The following RBBP4 variants were observed in gnomAD, a reference collection of about 807,000 sequenced individuals.
RBBP4 encodes RB binding protein 4, chromatin remodeling factor.
In RBBP4, 3 loss-of-function variants were observed where a neutral mutation model predicts 57.2. The observed-to-expected ratio is 0.05, with a 90% CI of 0.02 to 0.14. The LOEUF (loss-of-function observed/expected upper bound fraction) is 0.14, where lower values mean the gene tolerates loss of function less well. Ranked by LOEUF, RBBP4 falls within the 10% of genes least tolerant of loss-of-function variation. The pLI, the probability that RBBP4 is intolerant of heterozygous loss-of-function variation, is 1.00. For synonymous variants in RBBP4, 151 were observed against 171.5 expected, an observed-to-expected ratio of 0.88 and a Z score of 0.93; for missense variants, 107 against 520.6, an observed-to-expected ratio of 0.21 and a Z score of 7.73.
intron 11 of RBBP4, 138 bp downstream of exon 11, chr1:32,673,039 T>G (rs780961156): frequency 4.1e-6 from 3 of 725,106 alleles, no homozygotes; most frequent in Non-Finnish European, 6.8e-6. Context: ...TGTCTATACA[T>G]TATCATTTTC....
chr1:32,684,866 T>G lies in RBBP4; in HGVS notation c.*5161T>G, dbSNP rs1478106057. 6.5e-6 allele frequency: 1 copy of G among 153,586 alleles called. No homozygotes were observed. The highest frequency in any genetic ancestry group is 1.9e-4 in the East Asian group (1 of 5,242). 9.5% of individuals were successfully genotyped at this position (153,586 alleles called of 1,614,324 possible). Reference sequence around the variant, plus strand: ...TACACAACTAGTGGAAGTCCATGTTTAGAAAATAAATGGCTTGTTTAAGGA... The same window carrying G: ...TACACAACTAGTGGAAGTCCATGTTGAGAAAATAAATGGCTTGTTTAAGGA... On this transcript the variant is annotated 3_prime_UTR_variant, in exon 12 of 12. Coordinates refer to ENST00000373493, the MANE Select transcript of RBBP4 (RefSeq NM_005610.3).
intron 8 of RBBP4, among the ~76,000 whole-genome samples, chr1:32,670,811 A>T (rs1233960541): frequency 6.6e-6 from 1 of 152,228 alleles, no homozygotes; most frequent in African/African-American, 2.4e-5. Context: ...AAGTGTTATG[A>T]ACCTGAGGGT....
intron 11 of RBBP4, among the ~76,000 whole-genome samples, chr1:32,674,311 G>A (rs1012781142): frequency 5.0e-4 from 19 of 38,064 alleles, no homozygotes; most frequent in African/African-American, 7.6e-4. Context: ...ACAGCTCACT[G>A]CAGCCTCCAA....
Position 32,682,112 on chromosome 1 carries a change from C to G in RBBP4, c.*2407C>G, listed in dbSNP as rs1365905651. On this transcript the variant is annotated 3_prime_UTR_variant, in exon 12 of 12. Transcript: ENST00000373493. The stretch of plus-strand genomic sequence containing the variant: ...TACAATGCCTGAAATTCTGTAGTTT[C>G]ATTTCTTTGGATTAGTCGTTGTCTT... 4.1e-6 allele frequency: 2 copies of G among 484,536 alleles called. No individual in the cohort carries two copies. Among genetic ancestry groups the G allele is most frequent in the Non-Finnish European group, 7.4e-6 (2 of 270,292 alleles). 30.0% of individuals were successfully genotyped at this position (484,536 alleles called of 1,614,324 possible).
intron 8 of RBBP4, 113 bp from the exon 9 acceptor site, chr1:32,672,337 G>T: frequency 1.2e-6 from 1 of 836,028 alleles, no homozygotes; most frequent in South Asian, 1.9e-5. Flanking sequence ...ATAATACCTT[G>T]ACTTCCTCTT....
In RBBP4 at chr1:32,680,149, T is replaced by A; in HGVS notation, c.*444T>A. 1 of 1,077,552 alleles carries A rather than the reference T, an allele frequency of 9.3e-7. No individual in the cohort carries two copies. The highest frequency in any genetic ancestry group is 1.1e-6 in the Non-Finnish European group (1 of 891,834). The allele number at this position is 1,077,552 out of a possible 1,614,324, so 66.7% of individuals were successfully genotyped here. A position where few individuals can be genotyped will look rare whatever the true frequency, so the allele number is the denominator to read the frequency against. ...AGGGGGAGATTCAAGTCATATAGATTCCTACTCGAAAATCTTGACACCTGA... is the reference window on the plus strand; with the variant it reads ...AGGGGGAGATTCAAGTCATATAGATACCTACTCGAAAATCTTGACACCTGA... On this transcript the variant is annotated 3_prime_UTR_variant, in exon 12 of 12. Transcript: ENST00000373493.
chr1:32,667,363 A>G (rs962546419), intron 3 of RBBP4, among the ~76,000 whole-genome samples: 2 of 152,214 alleles, frequency 1.3e-5, no homozygotes, highest in African/African-American at 4.8e-5. Flanking sequence ...TCTCTGCTTC[A>G]GCTGCCTGAA....
chr1:32,673,032 C>G, intron 11 of RBBP4, 131 bp downstream of exon 11: 1 of 745,354 alleles, frequency 1.3e-6, no homozygotes, highest in South Asian at 1.8e-5. Flanking sequence ...TAAGACTTGT[C>G]TATACATTAT....
chr1:32,673,489 G>GTGC (rs962589749), intron 11 of RBBP4: 2 of 423,322 alleles, frequency 4.7e-6, no homozygotes, highest in African/African-American at 4.3e-5. Flanking sequence ...CCAGGCTGGA[G>GTGC]TGCAATGGTG....
chr1:32,651,257 C>T lies in RBBP4; in HGVS notation c.-50C>T, dbSNP rs2148508982. ...AGAGCGAGCTCTTGCAGCCTCCCCG[C>T]CCCTCCCGCAACGCTCGACCCCAGG... is the stretch of plus-strand genomic sequence containing the variant. On this transcript the variant is annotated 5_prime_UTR_variant, in exon 1 of 12. Coordinates refer to ENST00000373493, the MANE Select transcript of RBBP4 (RefSeq NM_005610.3). 6.6e-7 allele frequency: 1 copy of T among 1,506,862 alleles called. No individual in the cohort carries two copies. 93.3% of individuals were successfully genotyped at this position (1,506,862 alleles called of 1,614,324 possible).
chr1:32,668,067 AG>A (rs1370813369), intron 3 of RBBP4, among the ~76,000 whole-genome samples, 157 bp from the exon 4 acceptor site: 41 of 152,050 alleles, frequency 2.7e-4, no homozygotes, highest in Non-Finnish European at 2.9e-5. Context: ...TCACGGGGGT[AG>A]GAAAGCACTT....
At position 32,681,716 on chromosome 1, in the gene RBBP4, C is replaced by A. The variant is rs369187880; in HGVS notation, c.*2011C>A. 13 of 1,463,946 alleles carry A rather than the reference C, an allele frequency of 8.9e-6. No individual in the cohort carries two copies. The highest frequency in any genetic ancestry group is 1.7e-4 in the Middle Eastern group (1 of 5,812). 90.7% of individuals were successfully genotyped at this position (1,463,946 alleles called of 1,614,324 possible). The stretch of plus-strand genomic sequence containing the variant: ...TAAGCAGGTCAGCCAGTATTTGCAA[C>A]TTCCACAGGATGAATTGCTTGCCAA... On this transcript the variant is annotated 3_prime_UTR_variant, in exon 12 of 12. Coordinates refer to ENST00000373493, the MANE Select transcript of RBBP4 (RefSeq NM_005610.3).
chr1:32,653,824 AATTTTTTGT>A (rs754549171), intron 2 of RBBP4, among the ~76,000 whole-genome samples: 1 of 151,352 alleles, frequency 6.6e-6, no homozygotes, highest in East Asian at 2.0e-4. Context: ...ACCCCTGGCT[AATTTTTTGT>A]ATTTTTAGTA....
At chr1:32,658,888 T>C (rs1390010381) in intron 3 of RBBP4, among the ~76,000 whole-genome samples, 2 of 151,020 alleles carry the variant, frequency 1.3e-5, no homozygotes, top group Non-Finnish European at 2.9e-5. Context: ...ATTTATATTG[T>C]GTGTGTAAAA....
At chr1:32,679,585 C>G (rs1317882513) in intron 11 of RBBP4, 55 bp from the exon 12 acceptor site, 14 of 1,486,530 alleles carry the variant, frequency 9.4e-6, no homozygotes, top group Non-Finnish European at 1.2e-5. Context: ...TTGTTGAAAC[C>G]TTGAGTTTTA....
chr1:32,657,797 T>C (rs894097389), intron 3 of RBBP4: 2 of 425,028 alleles, frequency 4.7e-6, no homozygotes, highest in Non-Finnish European at 8.2e-6. Context: ...CAGCTGGTGC[T>C]GGTGGGGAGG....
At chr1:32,678,285 G>A (rs1395160716) in intron 11 of RBBP4, among the ~76,000 whole-genome samples, 1 of 152,102 alleles carries the variant, frequency 6.6e-6, no homozygotes, top group African/African-American at 2.4e-5. Context: ...GGAGTGCAGT[G>A]GTGTGATCTT....
At chr1:32,658,897 AATT>A (rs1288085120) in intron 3 of RBBP4, among the ~76,000 whole-genome samples, 15 of 149,626 alleles carry the variant, frequency 1.0e-4, no homozygotes, top group African/African-American at 1.7e-4. Context: ...GTGTGTGTAA[AATT>A]ATATGTGTAA....
At position 32,680,376 on chromosome 1, in the gene RBBP4, T is replaced by TTA; in HGVS notation, c.*671_*672insTA. 2.7e-6 allele frequency: 3 copies of TTA among 1,129,072 alleles called. No individual in the cohort carries two copies. Among genetic ancestry groups the TTA allele is most frequent in the African/African-American group, 1.7e-5 (1 of 60,300 alleles). The allele number at this position is 1,129,072 out of a possible 1,614,324, so 69.9% of individuals were successfully genotyped here. A position where few individuals can be genotyped will look rare whatever the true frequency, so the allele number is the denominator to read the frequency against. On this transcript the variant is annotated 3_prime_UTR_variant, in exon 12 of 12. Transcript: ENST00000373493. ...TTGTTGGTTTTTTTTTTTTTTTTTT[T>TTA]AACTTGGGACCACCAAGTTGTAAAG...
Sources: allele counts gnomAD v4.1 joint callset (sites outside exome capture counted in the v4.1 genomes callset), GRCh38; gene constraint gnomAD v4.1.1; transcripts MANE v1.5; gene names NCBI Gene and HGNC (gene_info 2026-07-23, HGNC 2026-07-21).